Variants in TMEM266 observed in about 807,000 individuals in gnomAD.
TMEM266 encodes Hv1 related protein 1.
TMEM266 carries 33 observed loss-of-function variants against 50.5 expected under a neutral mutation model. The observed-to-expected ratio is 0.65, with a 90% CI of 0.50 to 0.87. The LOEUF (loss-of-function observed/expected upper bound fraction) is 0.87, where lower values mean the gene tolerates loss of function less well. Among genes scored for constraint, TMEM266 ranks in the 40% least tolerant of loss-of-function variants. The pLI is 0.00. For synonymous variants in TMEM266, 310 were observed against 292.3 expected (o/e 1.06, Z -0.62); for missense variants, 655 against 695.1 (o/e 0.94, Z 0.65).
At chr15:76,097,669 C>G (rs551038682) in intron 1 of TMEM266, among the ~76,000 whole-genome samples, 108 of 151,968 alleles carry the variant, frequency 7.1e-4, no homozygotes, top group African/African-American at 2.3e-3. Flanking sequence ...GAAGTTCTCC[C>G]CAACCTAGAT....
chr15:76,073,780 T>G (rs543644426), intron 1 of TMEM266, among the ~76,000 whole-genome samples: 93 of 152,330 alleles, frequency 6.1e-4, no homozygotes, highest in African/African-American at 2.1e-3. Context: ...GTAGAAGTAT[T>G]CAGAATTTTG....
intron 9 of TMEM266, among the ~76,000 whole-genome samples, chr15:76,199,912 T>C (rs928690596): frequency 2.6e-5 from 4 of 152,076 alleles, no homozygotes; most frequent in African/African-American, 7.2e-5. Flanking sequence ...TTTTAGGTGG[T>C]GGAAGGGCTG....
At chr15:76,162,162 T>C (rs2038027695) in intron 5 of TMEM266, among the ~76,000 whole-genome samples, 1 of 151,948 alleles carries the variant, frequency 6.6e-6, no homozygotes, top group Admixed American at 6.6e-5. Flanking sequence ...TGCAGGAGAC[T>C]GGGGAGGAAG....
intron 9 of TMEM266, among the ~76,000 whole-genome samples, chr15:76,193,589 G>A (rs9673120): frequency 0.011 from 1,639 of 152,308 alleles, 36 homozygotes; most frequent in African/African-American, 0.037. Context: ...TCTGGGTCCA[G>A]CCCTTCAGCT....
intron 1 of TMEM266, among the ~76,000 whole-genome samples, chr15:76,105,322 A>G (rs960681921): frequency 2.6e-5 from 4 of 152,114 alleles, no homozygotes. Context: ...ATGGTCCTCC[A>G]AGGCACAGCC....
At chr15:76,150,185 G>C (rs1042484498) in intron 3 of TMEM266, among the ~76,000 whole-genome samples, 2 of 152,134 alleles carry the variant, frequency 1.3e-5, no homozygotes, top group Admixed American at 6.5e-5. Flanking sequence ...TGTGCATTTG[G>C]GGGGTGTAAG....
At chr15:76,162,760 A>G (rs1039314620) in intron 5 of TMEM266, among the ~76,000 whole-genome samples, 1 of 152,182 alleles carries the variant, frequency 6.6e-6, no homozygotes, top group African/African-American at 2.4e-5. Flanking sequence ...CCTGAGAAAG[A>G]AAGTCCGACC....
chr15:76,204,283 G>A lies in TMEM266; in HGVS notation c.1564G>A (p.Glu522Lys), dbSNP rs1450238917. 7.4e-6 allele frequency: 12 copies of A among 1,611,846 alleles called. No homozygotes were observed. In the East Asian group the frequency reaches 2.7e-4, roughly 36 times the overall value. Residue 522 changes from glutamate to lysine, a missense_variant, in exon 11 of 11, where the codon GAG becomes AAG. Glu to Lys is a moderately conservative substitution (Grantham distance 56, BLOSUM62 1). This residue lies in a region of TMEM266 where 455 missense variants were observed against 401.8 expected (regional missense o/e 1.13). Transcript: ENST00000388942. ...SKEQKLHRVP[E>K]A Reference sequence around the variant, plus strand: ...CAAGTTCAGATCTTTGGAATCCAAAGAGCAAAAGCTGCACAGGGTCCCTGA... The same window carrying A: ...CAAGTTCAGATCTTTGGAATCCAAAAAGCAAAAGCTGCACAGGGTCCCTGA...
chr15:76,157,545 C>T (rs901453727), intron 4 of TMEM266, among the ~76,000 whole-genome samples: 13 of 152,204 alleles, frequency 8.5e-5, no homozygotes, highest in African/African-American at 2.2e-4. Context: ...CTGCTTACCC[C>T]ACCAGGCCTA....
Position 76,168,648 on chromosome 15 carries a change from G to A in TMEM266, c.457-1168G>A, listed in dbSNP as rs62030164. The stretch of plus-strand genomic sequence containing the variant: ...ATTCGGGAATTATTCCTTCATGCAC[G>A]CATTGTTCATCTGTCCACAGTGCAT... On this transcript the variant is annotated intron_variant, in intron 5 of 10. Transcript: ENST00000388942. This position sits in a 1 kb window ranked among gnomAD's most constrained non-coding sequence, Gnocchi z 4.4. Among the ~76,000 whole-genome samples, 893 of 152,338 alleles carry A rather than the reference G, an allele frequency of 5.9e-3. 5 individuals are homozygous for A. The highest frequency in any genetic ancestry group is 0.017 in the Middle Eastern group (5 of 294).
rs528563994 is a variant in TMEM266, at chr15:76,090,950, T to C, written c.-97+30934T>C. The stretch of plus-strand genomic sequence containing the variant: ...ACAACACAAAGAAATGATATATGTT[T>C]AGGTGATGGATATGCTAATTACCCT... On this transcript the variant is annotated intron_variant, in intron 1 of 10. Transcript: ENST00000388942. 4.6e-5 allele frequency among the ~76,000 whole-genome samples: 7 copies of C among 152,346 alleles called. No homozygotes were observed. In the South Asian group the frequency reaches 1.4e-3, roughly 32 times the overall value.
intron 1 of TMEM266, among the ~76,000 whole-genome samples, chr15:76,117,368 C>A (rs74926742): frequency 6.6e-6 from 1 of 152,040 alleles, no homozygotes; most frequent in Admixed American, 6.6e-5. Flanking sequence ...TGAAACACTA[C>A]GGCAGTGCCT....
intron 1 of TMEM266, among the ~76,000 whole-genome samples, chr15:76,067,380 C>T (rs1014807311): frequency 6.6e-6 from 1 of 152,042 alleles, no homozygotes; most frequent in Non-Finnish European, 1.5e-5. Flanking sequence ...CGGTGGTTCA[C>T]GCCTATAATC....
chr15:76,151,509 G>T (rs1434303989), intron 3 of TMEM266, among the ~76,000 whole-genome samples: 1 of 152,042 alleles, frequency 6.6e-6, no homozygotes, highest in African/African-American at 2.4e-5. Context: ...TTGCAGTCTA[G>T]TGCAGCCCTG....
At chr15:76,124,904 A>G (rs573569893) in intron 1 of TMEM266, among the ~76,000 whole-genome samples, 1 of 150,834 alleles carries the variant, frequency 6.6e-6, no homozygotes, top group East Asian at 1.9e-4. Context: ...TTGAGCAAGA[A>G]GAAAAAAAGC....
In TMEM266 at chr15:76,155,285, A is replaced by G. The variant is rs559695753; in HGVS notation, c.228-1319A>G. Among the ~76,000 whole-genome samples the G allele has an allele frequency of 2.6e-5, 4 of 152,134 alleles. No homozygotes were observed. The South Asian group carries it at 8.3e-4, about 32-fold the overall frequency. On this transcript the variant is annotated intron_variant, in intron 3 of 10. Transcript: ENST00000388942. ...GGCAGGTCCTGTTCATACCTAAACTACCAAGCAGGTGAGGTTTGACCTCAG... is the reference window on the plus strand; with the variant it reads ...GGCAGGTCCTGTTCATACCTAAACTGCCAAGCAGGTGAGGTTTGACCTCAG...
intron 1 of TMEM266, among the ~76,000 whole-genome samples, chr15:76,093,616 T>C (rs2036883829): frequency 6.6e-6 from 1 of 152,098 alleles, no homozygotes. Flanking sequence ...TATAATCCTT[T>C]GGGTATATAC....
At chr15:76,066,439 T>C (rs974639046) in intron 1 of TMEM266, among the ~76,000 whole-genome samples, 1 of 152,164 alleles carries the variant, frequency 6.6e-6, no homozygotes, top group African/African-American at 2.4e-5. Context: ...TTTTAAGAAG[T>C]GTTTAGAAGT....
chr15:76,190,885 C>T (rs2038557603), intron 8 of TMEM266, among the ~76,000 whole-genome samples: 1 of 152,172 alleles, frequency 6.6e-6, no homozygotes, highest in East Asian at 1.9e-4. Context: ...TCTGTCCGCC[C>T]TCCCGACTCG....
Sources: allele counts gnomAD v4.1 joint callset (sites outside exome capture counted in the v4.1 genomes callset), GRCh38; gene constraint gnomAD v4.1.1; regional missense constraint gnomAD v4.1.1; non-coding constraint Gnocchi (gnomAD v3.1); transcripts MANE v1.5; gene names NCBI Gene and HGNC (gene_info 2026-07-23, HGNC 2026-07-21).